The following TLL1 variants were observed in gnomAD, a reference collection of about 807,000 sequenced individuals.
TLL1 encodes tolloid like 1.
TLL1 carries 49 observed loss-of-function variants against 128.2 expected under a neutral mutation model. The observed-to-expected ratio is 0.38, with a 90% confidence interval of 0.30 to 0.48. The LOEUF (loss-of-function observed/expected upper bound fraction) is 0.48, where lower values mean the gene tolerates loss of function less well. Among genes scored for constraint, TLL1 ranks in the 20% least tolerant of loss-of-function variants. The probability of loss-of-function intolerance (pLI) is 0.96; values close to 1 mark genes in which losing one functional copy is unlikely to be tolerated. For missense variants in TLL1, 1,123 were observed against 1,242.0 expected, an observed-to-expected ratio of 0.90 and a Z score of 1.44; for synonymous variants, 454 against 418.8, an observed-to-expected ratio of 1.08 and a Z score of -1.03.
chr4:165,986,350 C>T (rs778718715), intron 1 of TLL1, among the ~76,000 whole-genome samples: 3 of 151,910 alleles, frequency 2.0e-5, no homozygotes, highest in Admixed American at 6.6e-5. Context: ...AGGCGAATTA[C>T]GGAAATCTTC....
intron 11 of TLL1, among the ~76,000 whole-genome samples, chr4:166,042,767 G>A (rs1739292749): frequency 6.6e-6 from 1 of 152,170 alleles, no homozygotes. Context: ...AAACTTTTAA[G>A]TAAACGGAAG....
rs529557622 is a variant in TLL1 at position 166,063,487 on chromosome 4, C to T, written c.2008-2196C>T. Among the ~76,000 whole-genome samples, 7 of 152,228 alleles carry T rather than the reference C, an allele frequency of 4.6e-5. No homozygotes were observed. In the South Asian group the frequency reaches 8.3e-4, roughly 18 times the overall value. ...ACCATTTGACCCAGCCACCCCATTA[C>T]GGGGTATATACCCAAAGGATTATAA... On this transcript the variant is annotated intron_variant, in intron 15 of 20. Coordinates refer to ENST00000061240, the MANE Select transcript of TLL1 (RefSeq NM_012464.5).
At chr4:165,955,365 A>G (rs1382876306) in intron 1 of TLL1, among the ~76,000 whole-genome samples, 1 of 152,098 alleles carries the variant, frequency 6.6e-6, no homozygotes, top group Non-Finnish European at 1.5e-5. Context: ...GGAAAATGGT[A>G]TTTGACAATA....
chr4:165,912,282 G>C (rs1331835083), intron 1 of TLL1, among the ~76,000 whole-genome samples: 1 of 152,160 alleles, frequency 6.6e-6, no homozygotes, highest in Non-Finnish European at 1.5e-5. Flanking sequence ...TTAACACACT[G>C]TGTTATTCAG....
Position 166,091,136 on chromosome 4 carries a change from T to C in TLL1, c.2451T>C (p.Ser817=). The change falls in exon 19 of 21, where the codon AGT becomes AGC. Residue 817 remains serine (S), a synonymous_variant. Transcript: ENST00000061240. ...TPGHRIKLAF[S]EFEIEQHQEC... ...TCTTCTTTTTAAAAAAGGCCTTTAG[T>C]GAATTTGAGATTGAGCAGCATCAAG... is the stretch of plus-strand genomic sequence containing the variant. The C allele has an allele frequency of 2.5e-6, 4 of 1,611,928 alleles. No homozygotes were observed. Among genetic ancestry groups the C allele is most frequent in the Non-Finnish European group, 3.4e-6 (4 of 1,179,088 alleles).
intron 1 of TLL1, among the ~76,000 whole-genome samples, chr4:165,879,750 T>G (rs6841985): frequency 0.56 from 84,069 of 151,472 alleles, 24,169 homozygotes; most frequent in East Asian, 0.77. Context: ...TGGGGGTGGG[T>G]GAGCCATGTT....
intron 19 of TLL1, among the ~76,000 whole-genome samples, chr4:166,096,210 G>GGTGT (rs60978680): frequency 0.049 from 7,090 of 145,456 alleles, 232 homozygotes; most frequent in African/African-American, 0.096. Flanking sequence ...TTCTGTCATG[G>GGTGT]GTGTGTGTGT....
At position 166,077,856 on chromosome 4, in the gene TLL1, C is replaced by G. The variant is rs531977097; in HGVS notation, c.2315-47C>G. The G allele has an allele frequency of 4.3e-6, 7 of 1,610,870 alleles. No individual in the cohort carries two copies. In the South Asian group the frequency reaches 6.6e-5, roughly 15 times the overall value. On this transcript the variant is annotated intron_variant, in intron 17 of 20. Coordinates refer to ENST00000061240, the MANE Select transcript of TLL1 (RefSeq NM_012464.5). The stretch of plus-strand genomic sequence containing the variant: ...TAGGCTGCTTGCTTTCTGCCTCAAA[C>G]CTGGGCTGGATTGCCACACTGTCTG...
intron 7 of TLL1, among the ~76,000 whole-genome samples, chr4:166,012,263 A>G (rs1024185924): frequency 2.6e-5 from 4 of 151,620 alleles, no homozygotes; most frequent in Non-Finnish European, 4.4e-5. Flanking sequence ...GAGGAGGTTC[A>G]GTAAGATTTT....
chr4:165,992,827 T>G lies in TLL1; in HGVS notation c.304T>G (p.Ser102Ala). Reference protein sequence around the residue: ...TTGGLGDHAMSKKRGALYQLI... With the variant: ...TTGGLGDHAMAKKRGALYQLI... ...AGGTGGACTTGGAGACCATGCTATGTCAAAGAAGCGAGGGGCCCTCTACCA... is the reference window on the plus strand; with the variant it reads ...AGGTGGACTTGGAGACCATGCTATGGCAAAGAAGCGAGGGGCCCTCTACCA... Residue 102 changes from serine to alanine, a missense_variant, in exon 3 of 21, where the codon TCA becomes GCA. By Grantham distance (99) the Ser-to-Ala change is moderately conservative. Around this residue, in one of 3 missense-constraint regions of TLL1, gnomAD observed 480 missense variants for 542.4 expected, o/e 0.89. Transcript: ENST00000061240. 6.2e-7 allele frequency: 1 copy of G among 1,613,310 alleles called. No homozygotes were observed. The highest frequency in any genetic ancestry group is 8.5e-7 in the Non-Finnish European group (1 of 1,179,416).
chr4:165,884,528 A>T (rs1579439889), intron 1 of TLL1, among the ~76,000 whole-genome samples: 1 of 152,314 alleles, frequency 6.6e-6, no homozygotes, highest in East Asian at 1.9e-4. Context: ...AAAATCACAC[A>T]ACTTGATTTT....
Position 166,074,893 on chromosome 4 carries a change from C to T in TLL1, c.2204C>T (p.Ser735Phe). The change falls in exon 17 of 21, where the codon TCT (serine) becomes TTT (phenylalanine). Residue 735 changes from serine to phenylalanine, a missense_variant. Physicochemically the swap from Ser to Phe is radical, Grantham distance 155. Around this residue, in one of 3 missense-constraint regions of TLL1, gnomAD observed 634 missense variants for 672.4 expected, o/e 0.94. Transcript: ENST00000061240. ...TCTTTGCTAGACAAAGATGAATGCT[C>T]TAAGGATAATGGTGGATGTCAGCAC... ...AHFFSDKDEC[S>F]KDNGGCQHEC... 1 of 1,613,412 alleles carries T rather than the reference C, an allele frequency of 6.2e-7. No homozygotes were observed. Among genetic ancestry groups the T allele is most frequent in the Non-Finnish European group, 8.5e-7 (1 of 1,179,560 alleles).
chr4:166,059,644 C>G (rs1308218539), intron 14 of TLL1, among the ~76,000 whole-genome samples: 1 of 151,602 alleles, frequency 6.6e-6, no homozygotes, highest in Admixed American at 6.6e-5. Flanking sequence ...TTCTCAATTC[C>G]GACAAAAAAA....
intron 9 of TLL1, among the ~76,000 whole-genome samples, chr4:166,035,014 G>T (rs1738933467): frequency 6.6e-6 from 1 of 152,114 alleles, no homozygotes; most frequent in South Asian, 2.1e-4. Flanking sequence ...CATTTCTAAG[G>T]GCAGAGCCCT....
intron 14 of TLL1, among the ~76,000 whole-genome samples, chr4:166,057,678 G>A (rs1740094457): frequency 6.6e-6 from 1 of 152,174 alleles, no homozygotes; most frequent in Non-Finnish European, 1.5e-5. Flanking sequence ...CATGGCTGGT[G>A]AGGCCTCACG....
At chr4:165,982,140 T>A (rs971303525) in intron 1 of TLL1, among the ~76,000 whole-genome samples, 1 of 152,028 alleles carries the variant, frequency 6.6e-6, no homozygotes, top group Non-Finnish European at 1.5e-5. Flanking sequence ...ATGTAAATTA[T>A]GTCAGCAAGT....
rs760463098 is a variant in TLL1 at position 165,989,434 on chromosome 4, A to T, written c.223A>T (p.Ile75Leu). 6.2e-7 allele frequency: 1 copy of T among 1,613,012 alleles called. No individual in the cohort carries two copies. Residue 75 changes from isoleucine (I) to leucine (L), a missense_variant, in exon 2 of 21, where the codon ATA becomes TTA. Ile to Leu is a conservative substitution (Grantham distance 5). Around this residue, in one of 3 missense-constraint regions of TLL1, gnomAD observed 480 missense variants for 542.4 expected, o/e 0.89. Transcript: ENST00000061240. ...LDDEDLNIFQ[I>L]DRTIDLTQNP... ...TGATGAAGACTTAAATATCTTTCAAATAGATAGGACAATTGACCTTACGCA... is the reference window on the plus strand; with the variant it reads ...TGATGAAGACTTAAATATCTTTCAATTAGATAGGACAATTGACCTTACGCA...
chr4:166,093,245 G>A (rs1741860105), intron 19 of TLL1, among the ~76,000 whole-genome samples: 1 of 152,082 alleles, frequency 6.6e-6, no homozygotes, highest in East Asian at 1.9e-4. Context: ...AGTTTTTATT[G>A]ATTATTATTT....
intron 1 of TLL1, among the ~76,000 whole-genome samples, chr4:165,895,287 C>G (rs756046977): frequency 1.3e-5 from 2 of 151,952 alleles, no homozygotes; most frequent in Non-Finnish European, 2.9e-5. Context: ...TTATAAACTG[C>G]TATGTGAGTT....
Sources: gnomAD v4.1 joint callset for allele counts (sites outside exome capture counted in the v4.1 genomes callset) on GRCh38, gnomAD v4.1.1 for gene constraint, gnomAD v4.1.1 regional missense constraint, MANE v1.5 for transcripts, NCBI Gene and HGNC (gene_info 2026-07-23, HGNC 2026-07-21) for gene names.